Variants in RABGAP1L observed in about 807,000 individuals in gnomAD.
RABGAP1L encodes the protein rab GTPase-activating protein 1-like.
RABGAP1L carries 63 observed loss-of-function variants against 137.7 expected under a neutral mutation model. The observed-to-expected ratio is 0.46, with a 90% CI of 0.37 to 0.56. The LOEUF (loss-of-function observed/expected upper bound fraction) is 0.56, where lower values mean the gene tolerates loss of function less well. Among genes scored for constraint, RABGAP1L ranks in the 20% least tolerant of loss-of-function variants. The pLI, the probability that RABGAP1L is intolerant of heterozygous loss-of-function variation, is 0.00. For synonymous variants in RABGAP1L, 431 were observed against 433.7 expected (o/e 0.99, Z 0.08); for missense variants, 1,095 against 1,244.0 (o/e 0.88, Z 1.80).
At chr1:174,968,343 T>C (rs757713375) in intron 20 of RABGAP1L, among the ~76,000 whole-genome samples, 79 of 152,294 alleles carry the variant, frequency 5.2e-4, no homozygotes, top group Non-Finnish European at 1.0e-3. Flanking sequence ...TCAGCTCTCT[T>C]TTGAATCTCC....
intron 19 of RABGAP1L, among the ~76,000 whole-genome samples, chr1:174,885,146 A>G (rs1343253572): frequency 2.6e-5 from 4 of 152,220 alleles, no homozygotes; most frequent in Non-Finnish European, 2.9e-5. Context: ...CTCTCATGTT[A>G]TATCTAAAGT....
chr1:174,671,169 A>G (rs1208328761), intron 14 of RABGAP1L, among the ~76,000 whole-genome samples: 2 of 152,216 alleles, frequency 1.3e-5, no homozygotes, highest in African/African-American at 4.8e-5. Context: ...ACACACTTTT[A>G]TAAGTTGATT....
At chr1:174,330,204 T>A (rs1227320805) in intron 11 of RABGAP1L, among the ~76,000 whole-genome samples, 1 of 152,170 alleles carries the variant, frequency 6.6e-6, no homozygotes, top group Non-Finnish European at 1.5e-5. Context: ...TCAGTAAAGT[T>A]GCAGAATACA....
intron 1 of RABGAP1L, among the ~76,000 whole-genome samples, chr1:174,199,522 C>T (rs1267166608): frequency 6.6e-6 from 1 of 152,146 alleles, no homozygotes; most frequent in Non-Finnish European, 1.5e-5. Flanking sequence ...GAACTCCTGA[C>T]CGCAAGTGAT....
At chr1:174,712,150 C>T (rs1041179604) in intron 17 of RABGAP1L, among the ~76,000 whole-genome samples, 2 of 152,146 alleles carry the variant, frequency 1.3e-5, no homozygotes, top group Non-Finnish European at 2.9e-5. Context: ...GTCTGTAAAA[C>T]GGACCAATCA....
intron 19 of RABGAP1L, among the ~76,000 whole-genome samples, chr1:174,831,765 A>G (rs1692136875): frequency 6.7e-6 from 1 of 148,196 alleles, no homozygotes. Flanking sequence ...AAAACGCTAC[A>G]ACTTTGTTCC....
At chr1:174,756,197 G>GCCT (rs1684741938) in intron 18 of RABGAP1L, among the ~76,000 whole-genome samples, 1 of 152,154 alleles carries the variant, frequency 6.6e-6, no homozygotes, top group South Asian at 2.1e-4. Flanking sequence ...TGCCCAGGCT[G>GCCT]CAGAGCGGTG....
rs1403804506 is a variant in RABGAP1L, at chr1:174,242,653, T to C, written c.717+996T>C. On this transcript the variant is annotated intron_variant, in intron 5 of 25. Transcript: ENST00000681986. ...TTGTGCCCTGGTGATCAGTTTGCTT[T>C]ACACTAAACTGAACATGCACAGACA... is the stretch of plus-strand genomic sequence containing the variant. 2.6e-5 allele frequency among the ~76,000 whole-genome samples: 4 copies of C among 152,252 alleles called. No individual in the cohort carries two copies. In the East Asian group the frequency reaches 7.7e-4, roughly 29 times the overall value.
At chr1:174,731,581 C>A (rs1221431172) in intron 17 of RABGAP1L, among the ~76,000 whole-genome samples, 1 of 152,160 alleles carries the variant, frequency 6.6e-6, no homozygotes, top group African/African-American at 2.4e-5. Flanking sequence ...CAAAAAAACC[C>A]TGTTATACCC....
chr1:174,973,531 C>T (rs1670349292), intron 21 of RABGAP1L, among the ~76,000 whole-genome samples: 1 of 151,772 alleles, frequency 6.6e-6, no homozygotes, highest in Non-Finnish European at 1.5e-5. Context: ...ATTACAGGTG[C>T]CCAAAACCAT....
intron 13 of RABGAP1L, among the ~76,000 whole-genome samples, chr1:174,512,513 T>C (rs905203474): frequency 8.5e-5 from 13 of 152,212 alleles, no homozygotes; most frequent in Non-Finnish European, 1.6e-4. Flanking sequence ...TACTAAAATT[T>C]ACATGTTATA....
chr1:174,333,114 A>G (rs1681179286), intron 11 of RABGAP1L, among the ~76,000 whole-genome samples: 1 of 152,194 alleles, frequency 6.6e-6, no homozygotes, highest in Non-Finnish European at 1.5e-5. Context: ...AATCCAAAAA[A>G]TTGATCTCCT....
chr1:174,755,390 T>G (rs945201049), intron 18 of RABGAP1L, among the ~76,000 whole-genome samples: 3 of 152,244 alleles, frequency 2.0e-5, no homozygotes, highest in African/African-American at 7.2e-5. Flanking sequence ...TCAATAGATT[T>G]AATAGACTGG....
chr1:174,387,988 A>T (rs1237054111), intron 12 of RABGAP1L, among the ~76,000 whole-genome samples: 2 of 152,022 alleles, frequency 1.3e-5, no homozygotes, highest in Admixed American at 1.3e-4. Context: ...TTATACGAGG[A>T]TTGTCAAATA....
chr1:174,352,956 A>T (rs1683322823), intron 11 of RABGAP1L, among the ~76,000 whole-genome samples: 1 of 152,116 alleles, frequency 6.6e-6, no homozygotes, highest in Admixed American at 6.5e-5. Context: ...GTGCTGAGCT[A>T]CCTGGTGTTT....
chr1:174,481,657 G>A (rs1659098233), intron 13 of RABGAP1L, among the ~76,000 whole-genome samples: 1 of 152,044 alleles, frequency 6.6e-6, no homozygotes, highest in South Asian at 2.1e-4. Context: ...AATAAAAAAA[G>A]GAGAGAAATC....
chr1:174,220,962 G>C lies in RABGAP1L; in HGVS notation c.139-10G>C, dbSNP rs1202109014. 1 of 1,585,324 alleles carries C rather than the reference G, an allele frequency of 6.3e-7. No individual in the cohort carries two copies. Among genetic ancestry groups the C allele is most frequent in the Admixed American group, 1.8e-5 (1 of 56,414 alleles). On this transcript the variant is annotated splice_polypyrimidine_tract_variant and intron_variant, in intron 2 of 25. Coordinates refer to ENST00000681986, the MANE Select transcript of RABGAP1L (RefSeq NM_001366446.1). ...AGAATTGAAACAGAATTGTCTTGCT[G>C]TGTCTGTAGATAGTTTCTAATGGTG...
At chr1:174,845,258 C>G (rs1264616649) in intron 19 of RABGAP1L, among the ~76,000 whole-genome samples, 5 of 102,704 alleles carry the variant, frequency 4.9e-5, no homozygotes, top group African/African-American at 1.5e-4. Flanking sequence ...ACTTCCAACA[C>G]TATGTTGAAT....
At chr1:174,757,850 C>T (rs1319732332) in intron 18 of RABGAP1L, among the ~76,000 whole-genome samples, 1 of 151,708 alleles carries the variant, frequency 6.6e-6, no homozygotes, top group Non-Finnish European at 1.5e-5. Flanking sequence ...ATGACGAAAC[C>T]CCGTCTCTAC....
Sources: gnomAD v4.1 joint callset for allele counts (sites outside exome capture counted in the v4.1 genomes callset) on GRCh38, gnomAD v4.1.1 for gene constraint, MANE v1.5 for transcripts, NCBI Gene and HGNC (gene_info 2026-07-23, HGNC 2026-07-21) for gene names.